The following RALGAPA1 variants were observed in gnomAD, a reference collection of about 807,000 sequenced individuals.
The protein encoded by RALGAPA1 is ral GTPase-activating protein subunit alpha-1.
A neutral mutation model predicts 269.6 loss-of-function variants in RALGAPA1; 52 were observed. The ratio of observed to expected loss-of-function variants is 0.19; its 90% CI spans 0.15 to 0.24. RALGAPA1 has a LOEUF of 0.24. Among genes scored for constraint, RALGAPA1 ranks in the 10% least tolerant of loss-of-function variants. The pLI, the probability that RALGAPA1 is intolerant of heterozygous loss-of-function variation, is 1.00. For synonymous variants in RALGAPA1, 817 were observed against 1,008.3 expected (o/e 0.81, Z 3.60); for missense variants, 1,917 against 3,013.9 (o/e 0.64, Z 8.52).
chr14:35,624,104 T>C (rs2139553840), intron 35 of RALGAPA1, among the ~76,000 whole-genome samples: 1 of 140,740 alleles, frequency 7.1e-6, no homozygotes, highest in Admixed American at 7.4e-5. Context: ...AAAAAAGTTA[T>C]CTTTGAAGAG....
intron 21 of RALGAPA1, among the ~76,000 whole-genome samples, chr14:35,681,910 A>G (rs374837922): frequency 7.9e-5 from 12 of 152,188 alleles, no homozygotes; most frequent in Admixed American, 2.0e-4. Context: ...ATTATGGAGT[A>G]TTTTGTATTT....
chr14:35,566,461 T>C (rs1157416934), intron 39 of RALGAPA1, among the ~76,000 whole-genome samples: 1 of 152,146 alleles, frequency 6.6e-6, no homozygotes, highest in South Asian at 2.1e-4. Context: ...ATAAAATAAC[T>C]GACACAGCAG....
intron 27 of RALGAPA1, among the ~76,000 whole-genome samples, chr14:35,660,017 C>T (rs139552145): frequency 6.6e-6 from 1 of 152,104 alleles, no homozygotes. Context: ...GAGGTTGTAA[C>T]TCAACAAATG....
intron 30 of RALGAPA1, among the ~76,000 whole-genome samples, chr14:35,652,141 G>A (rs543513027): frequency 1.4e-4 from 22 of 152,136 alleles, no homozygotes; most frequent in African/African-American, 5.3e-4. Flanking sequence ...ATTCAAGGGG[G>A]TAAATCACTA....
At chr14:35,787,194 A>G (rs1595554935) in intron 1 of RALGAPA1, among the ~76,000 whole-genome samples, 1 of 152,346 alleles carries the variant, frequency 6.6e-6, no homozygotes, top group East Asian at 1.9e-4. Flanking sequence ...ATTTATTCAA[A>G]TGGTTCTCAC....
intron 1 of RALGAPA1, among the ~76,000 whole-genome samples, chr14:35,797,149 T>G (rs954131594): frequency 2.0e-5 from 3 of 150,392 alleles, no homozygotes; most frequent in African/African-American, 4.9e-5. Context: ...GGCCAAGAGA[T>G]CAAAACCATC....
intron 35 of RALGAPA1, among the ~76,000 whole-genome samples, chr14:35,615,624 T>A (rs1255415589): frequency 6.6e-6 from 1 of 152,170 alleles, no homozygotes; most frequent in Non-Finnish European, 1.5e-5. Flanking sequence ...ATTCATTTAA[T>A]GTAGTGTATA....
rs1487290497 is a variant in RALGAPA1 at position 35,721,773 on chromosome 14, T to C, written c.2181A>G (p.Gln727=). The C allele has an allele frequency of 4.3e-6, 7 of 1,613,076 alleles. No individual in the cohort carries two copies. The highest frequency in any genetic ancestry group is 1.1e-5 in the South Asian group (1 of 91,044). The change falls in exon 16 of 42, where the codon CAA becomes CAG. Residue 727 remains glutamine, a synonymous_variant. Coordinates refer to ENST00000680220, the MANE Select transcript of RALGAPA1 (RefSeq NM_001346249.2). ...SRGWSRDQPG[Q]APMRQRSATT... ...TTGCACTCCTCTGTCTCATTGGGGC[T>C]TGGCCAGGCTGATCACGACTCCATC...
At chr14:35,797,226 T>A (rs1362947797) in intron 1 of RALGAPA1, among the ~76,000 whole-genome samples, 1 of 151,410 alleles carries the variant, frequency 6.6e-6, no homozygotes, top group African/African-American at 2.4e-5. Context: ...TGGTGGTGCG[T>A]GCCTGTAGTC....
At chr14:35,737,201 C>CT (rs2071085417) in intron 12 of RALGAPA1, among the ~76,000 whole-genome samples, 1 of 151,712 alleles carries the variant, frequency 6.6e-6, no homozygotes, top group Admixed American at 6.6e-5. Flanking sequence ...AAAACACAAA[C>CT]TTTTTTTTAA....
chr14:35,690,294 G>A (rs1232022134), intron 17 of RALGAPA1, among the ~76,000 whole-genome samples: 1 of 152,162 alleles, frequency 6.6e-6, no homozygotes, highest in Non-Finnish European at 1.5e-5. Flanking sequence ...GATAAAGATA[G>A]AGCTGTGCCA....
chr14:35,587,588 A>G (rs1025692468), intron 37 of RALGAPA1, among the ~76,000 whole-genome samples: 1 of 152,186 alleles, frequency 6.6e-6, no homozygotes, highest in Non-Finnish European at 1.5e-5. Context: ...ATGAAGCTGG[A>G]AACCATCATT....
Position 35,771,019 on chromosome 14 carries a change from G to GA in RALGAPA1, c.268-21dup. On this transcript the variant is annotated intron_variant, in intron 3 of 41. Coordinates refer to ENST00000680220, the MANE Select transcript of RALGAPA1 (RefSeq NM_001346249.2). ...AATTTTCTAAAAATCAATATAAAGA[G>GA]AAAAAAAGAAAAGAATAAAACCAAG... 3 of 1,092,058 alleles carry GA rather than the reference G, an allele frequency of 2.7e-6. No homozygotes were observed. The highest frequency in any genetic ancestry group is 2.7e-6 in the Non-Finnish European group (2 of 753,800). 67.6% of individuals were successfully genotyped at this position (1,092,058 alleles called of 1,614,324 possible).
At chr14:35,771,594 T>C (rs914076160) in intron 3 of RALGAPA1, among the ~76,000 whole-genome samples, 1 of 152,206 alleles carries the variant, frequency 6.6e-6, no homozygotes, top group East Asian at 1.9e-4. Flanking sequence ...AGAAGGTATA[T>C]GTTTTCCTAA....
chr14:35,544,982 G>A (rs2054321466), intron 41 of RALGAPA1, among the ~76,000 whole-genome samples: 1 of 152,130 alleles, frequency 6.6e-6, no homozygotes, highest in Non-Finnish European at 1.5e-5. Context: ...GGGAGGTGGA[G>A]GTTGCAGTGA....
At chr14:35,550,020 A>T (rs559501988) in intron 39 of RALGAPA1, among the ~76,000 whole-genome samples, 1 of 152,306 alleles carries the variant, frequency 6.6e-6, no homozygotes, top group South Asian at 2.1e-4. Flanking sequence ...GATATTATTG[A>T]CAAGCAACCA....
At chr14:35,706,557 C>T (rs1019051433) in intron 16 of RALGAPA1, 7 of 150,948 alleles carry the variant, frequency 4.6e-5, no homozygotes, top group Non-Finnish European at 1.0e-4. Context: ...TGTCCCTTCT[C>T]TGAATTCATT....
chr14:35,616,550 G>C (rs546598981), intron 35 of RALGAPA1, among the ~76,000 whole-genome samples: 1 of 152,246 alleles, frequency 6.6e-6, no homozygotes, highest in African/African-American at 2.4e-5. Context: ...AAAACCAATA[G>C]AAAGAATGAG....
At chr14:35,586,813 C>G (rs1382048213) in intron 37 of RALGAPA1, among the ~76,000 whole-genome samples, 1 of 152,184 alleles carries the variant, frequency 6.6e-6, no homozygotes. Flanking sequence ...ATGAAGCCAA[C>G]CTGATTGTGG....
Sources: gnomAD v4.1 joint callset for allele counts (sites outside exome capture counted in the v4.1 genomes callset) on GRCh38, gnomAD v4.1.1 for gene constraint, MANE v1.5 for transcripts, NCBI Gene and HGNC (gene_info 2026-07-23, HGNC 2026-07-21) for gene names.